The following CCDC126 variants were observed in gnomAD, a reference collection of about 807,000 sequenced individuals.
The protein encoded by CCDC126 is coiled-coil domain-containing protein 126.
In CCDC126, 5 loss-of-function variants were observed where a neutral mutation model predicts 11.7. That is an observed-to-expected ratio of 0.43 (90% CI 0.22 to 0.90). The LOEUF (loss-of-function observed/expected upper bound fraction) is 0.90, where lower values mean the gene tolerates loss of function less well. Among genes scored for constraint, CCDC126 ranks in the 40% least tolerant of loss-of-function variants. The pLI, the probability that CCDC126 is intolerant of heterozygous loss-of-function variation, is 0.27. For missense variants in CCDC126, 150 were observed against 163.1 expected (o/e 0.92, Z 0.44); for synonymous variants, 60 against 61.9 (o/e 0.97, Z 0.14).
At chr7:23,614,504 G>A (rs1782764401) in intron 3 of CCDC126, among the ~76,000 whole-genome samples, 1 of 152,132 alleles carries the variant, frequency 6.6e-6, no homozygotes, top group Admixed American at 6.6e-5. Context: ...TATAAATGTT[G>A]ACATTTTTAC....
intron 3 of CCDC126, among the ~76,000 whole-genome samples, chr7:23,642,550 G>T (rs1440770187): frequency 6.6e-6 from 1 of 152,004 alleles, no homozygotes; most frequent in Non-Finnish European, 1.5e-5. Context: ...ATCACCTGAG[G>T]TCAGGAGTTC....
At chr7:23,605,189 A>G (rs1379962468) in intron 2 of CCDC126, among the ~76,000 whole-genome samples, 1 of 152,164 alleles carries the variant, frequency 6.6e-6, no homozygotes, top group Non-Finnish European at 1.5e-5. Flanking sequence ...TGAGGTCAGA[A>G]AGAATTTAAT....
intron 2 of CCDC126, among the ~76,000 whole-genome samples, chr7:23,599,510 T>G (rs933005438): frequency 1.3e-5 from 2 of 149,882 alleles, no homozygotes; most frequent in African/African-American, 4.9e-5. Context: ...GTTTTGTTGT[T>G]TTTTTTTTTT....
intron 3 of CCDC126, among the ~76,000 whole-genome samples, chr7:23,639,192 CT>C (rs1245503837): frequency 0.049 from 6,715 of 137,012 alleles, 277 homozygotes; most frequent in African/African-American, 0.15. Flanking sequence ...TTTTTTATGT[CT>C]TTTTTTTTTT....
chr7:23,612,030 C>T (rs1277978431), intron 3 of CCDC126, among the ~76,000 whole-genome samples: 2 of 151,658 alleles, frequency 1.3e-5, no homozygotes, highest in East Asian at 3.9e-4. Context: ...CTTGTAGTCC[C>T]AGCTACTTGG....
rs1441932611 is a variant in CCDC126, at chr7:23,611,278, C to T, written c.-38C>T. 1.5e-6 allele frequency: 2 copies of T among 1,312,520 alleles called. No homozygotes were observed. Among genetic ancestry groups the T allele is most frequent in the Non-Finnish European group, 2.2e-6 (2 of 914,016 alleles). 81.3% of individuals were successfully genotyped at this position (1,312,520 alleles called of 1,614,324 possible). On this transcript the variant is annotated 5_prime_UTR_variant, in exon 3 of 4. Transcript: ENST00000307471. ...TGATTTGTGGCTTACCTCAAGTTACCATTTTTCAGTCAAGTCTGTTTGTTT... is the reference window on the plus strand; with the variant it reads ...TGATTTGTGGCTTACCTCAAGTTACTATTTTTCAGTCAAGTCTGTTTGTTT...
intron 3 of CCDC126, among the ~76,000 whole-genome samples, chr7:23,629,387 C>T (rs762258768): frequency 2.6e-5 from 4 of 152,130 alleles, no homozygotes; most frequent in East Asian, 3.8e-4. Flanking sequence ...TCTGCCGGCC[C>T]CTTGATAGTG....
chr7:23,600,379 C>G (rs552210846), intron 2 of CCDC126, among the ~76,000 whole-genome samples: 3 of 125,964 alleles, frequency 2.4e-5, no homozygotes, highest in South Asian at 2.8e-4. Context: ...TGTTAACCCC[C>G]CCCCCCCCAC....
chr7:23,619,576 TTAAG>T, intron 3 of CCDC126: 7 of 226,922 alleles, frequency 3.1e-5, no homozygotes, highest in Non-Finnish European at 4.4e-5. Flanking sequence ...TTTCTTTTTT[TTAAG>T]AAAAATATAT....
intron 3 of CCDC126, among the ~76,000 whole-genome samples, chr7:23,626,739 G>A (rs1373959794): frequency 6.6e-6 from 1 of 152,050 alleles, no homozygotes; most frequent in Non-Finnish European, 1.5e-5. Flanking sequence ...CTCCCACTTA[G>A]AAGTGAGAAC....
intron 3 of CCDC126, among the ~76,000 whole-genome samples, chr7:23,617,381 GA>G (rs372545648): frequency 2.1e-3 from 296 of 142,710 alleles, no homozygotes; most frequent in African/African-American, 4.3e-3. Context: ...AAAAGAAAAG[GA>G]AAAAAAAAGC....
rs1322462783 is a variant in CCDC126 at position 23,643,293 on chromosome 7, T to C, written c.*178T>C. ...CTGTACATAAAAATTTTAAAGTTAT[T>C]TGTTTGCTTTCAGGCAAGTCTGTTC... is the stretch of plus-strand genomic sequence containing the variant. On this transcript the variant is annotated 3_prime_UTR_variant, in exon 4 of 4. Coordinates refer to ENST00000307471, the MANE Select transcript of CCDC126 (RefSeq NM_138771.4). 11 of 578,652 alleles carry C rather than the reference T, an allele frequency of 1.9e-5. No homozygotes were observed. The highest frequency in any genetic ancestry group is 2.9e-5 in the Non-Finnish European group (10 of 347,814). The allele number at this position is 578,652 out of a possible 1,614,324, so 35.8% of individuals were successfully genotyped here. A position where few individuals can be genotyped will look rare whatever the true frequency, so the allele number is the denominator to read the frequency against.
intron 3 of CCDC126, among the ~76,000 whole-genome samples, chr7:23,617,864 G>C (rs568632528): frequency 8.5e-5 from 13 of 152,254 alleles, no homozygotes; most frequent in South Asian, 8.3e-4. Context: ...TTGAATTTGT[G>C]GATGCAGAAC....
At chr7:23,606,939 A>AG (rs1782633833) in intron 2 of CCDC126, among the ~76,000 whole-genome samples, 2 of 151,610 alleles carry the variant, frequency 1.3e-5, no homozygotes, top group African/African-American at 4.8e-5. Flanking sequence ...AAAAAAAAAA[A>AG]GTACAAAAAT....
chr7:23,639,784 C>G (rs952452215), intron 3 of CCDC126, among the ~76,000 whole-genome samples: 2 of 151,680 alleles, frequency 1.3e-5, no homozygotes, highest in Non-Finnish European at 3.0e-5. Flanking sequence ...TTTGATCACC[C>G]TCTATCACGA....
intron 2 of CCDC126, among the ~76,000 whole-genome samples, chr7:23,600,450 C>T (rs1409365335): frequency 7.0e-6 from 1 of 143,294 alleles, no homozygotes; most frequent in Non-Finnish European, 1.5e-5. Context: ...CCCCTTTTTC[C>T]CTGAAATTAC....
rs901985256 is a variant in CCDC126, at chr7:23,600,381, C to CG, written c.-146+2330_-146+2331insG. 1.6e-4 allele frequency among the ~76,000 whole-genome samples: 23 copies of CG among 142,964 alleles called. 3 individuals are homozygous for CG. Among genetic ancestry groups the CG allele is most frequent in the African/African-American group, 4.8e-4 (19 of 39,238 alleles). 93.8% of individuals were successfully genotyped at this position (142,964 alleles called of 152,430 possible). On this transcript the variant is annotated intron_variant, in intron 2 of 3. Coordinates refer to ENST00000307471, the MANE Select transcript of CCDC126 (RefSeq NM_138771.4). ...TGGCTGTGTTCTGTGTTAACCCCCC[C>CG]CCCCCCACCACCATATTAGCCTCAG...
At chr7:23,612,632 C>T (rs1485734470) in intron 3 of CCDC126, among the ~76,000 whole-genome samples, 2 of 151,794 alleles carry the variant, frequency 1.3e-5, no homozygotes, top group East Asian at 1.9e-4. Context: ...ATGTCTGCAC[C>T]ACTGTACTCC....
intron 2 of CCDC126, among the ~76,000 whole-genome samples, chr7:23,599,354 CAG>C (rs952389188): frequency 9.2e-5 from 14 of 152,092 alleles, no homozygotes; most frequent in African/African-American, 3.4e-4. Context: ...TGTTTGAGGC[CAG>C]AGATGCTAGC....
Sources: allele counts gnomAD v4.1 joint callset (sites outside exome capture counted in the v4.1 genomes callset), GRCh38; gene constraint gnomAD v4.1.1; transcripts MANE v1.5; gene names NCBI Gene and HGNC (gene_info 2026-07-23, HGNC 2026-07-21).